The following CCDC33 variants were observed in gnomAD, a reference collection of about 807,000 sequenced individuals.
CCDC33 encodes coiled-coil domain containing 33, also known as coiled-coil domain-containing protein 33.
In CCDC33, 94 loss-of-function variants were observed where a neutral mutation model predicts 91.9. The ratio of observed to expected loss-of-function variants is 1.02; its 90% confidence interval spans 0.87 to 1.21. CCDC33 has a LOEUF of 1.21. CCDC33 is among the 50% of genes most tolerant of loss of function. The pLI is 0.00. For synonymous variants in CCDC33, 396 were observed against 374.5 expected, an observed-to-expected ratio of 1.06 and a Z score of -0.66; for missense variants, 940 against 935.5, an observed-to-expected ratio of 1.00 and a Z score of -0.06.
At chr15:74,231,249 T>C (rs2074962676) in intron 2 of CCDC33, among the ~76,000 whole-genome samples, 1 of 152,166 alleles carries the variant, frequency 6.6e-6, no homozygotes, top group Non-Finnish European at 1.5e-5. Context: ...GCTACATTAG[T>C]GATAGAGTCA....
At chr15:74,217,454 G>A (rs934222343) in exon 1 of CCDC33, 3 of 1,289,722 alleles carry the variant, frequency 2.3e-6, no homozygotes, top group African/African-American at 1.5e-5. Flanking sequence ...GGGCTGGGGT[G>A]CAGTTGCAAG....
upstream of CCDC33, among the ~76,000 whole-genome samples, chr15:74,214,697 C>T (rs114341858): frequency 5.8e-3 from 885 of 152,302 alleles, 8 homozygotes; most frequent in African/African-American, 0.02. Context: ...CTATTTACTA[C>T]CCTCCAACAC....
chr15:74,294,707 A>G (rs1324056114), intron 10 of CCDC33, among the ~76,000 whole-genome samples: 1 of 150,506 alleles, frequency 6.6e-6, no homozygotes. Flanking sequence ...ATATCATGGC[A>G]CTGCACTCCA....
intron 2 of CCDC33, among the ~76,000 whole-genome samples, chr15:74,220,407 C>G (rs2074557720): frequency 6.6e-6 from 1 of 152,226 alleles, no homozygotes; most frequent in Non-Finnish European, 1.5e-5. Flanking sequence ...AGGTGACATT[C>G]TGTTCCCTTA....
intron 11 of CCDC33, among the ~76,000 whole-genome samples, chr15:74,297,064 T>C (rs1182959948): frequency 6.6e-6 from 1 of 152,162 alleles, no homozygotes; most frequent in Non-Finnish European, 1.5e-5. Context: ...TCTGCACCTT[T>C]CTGGAACATG....
At chr15:74,208,056 A>C in intron 1 of CCDC33, 3 of 1,283,186 alleles carry the variant, frequency 2.3e-6, no homozygotes, top group East Asian at 3.8e-5. Context: ...TCATAACATA[A>C]AGGATTTAGA....
chr15:74,240,104 C>T (rs1257223458), intron 1 of CCDC33, among the ~76,000 whole-genome samples: 1 of 152,242 alleles, frequency 6.6e-6, no homozygotes, highest in African/African-American at 2.4e-5. Context: ...GCCCAGCCTG[C>T]CCAGCGGGCA....
chr15:74,249,021 T>C (rs544162621), intron 2 of CCDC33, among the ~76,000 whole-genome samples: 1 of 152,322 alleles, frequency 6.6e-6, no homozygotes, highest in South Asian at 2.1e-4. Context: ...ACCGGATATA[T>C]ACTAGGCCCC....
At chr15:74,269,735 C>A (rs1454172686) in intron 5 of CCDC33, among the ~76,000 whole-genome samples, 3 of 151,970 alleles carry the variant, frequency 2.0e-5, no homozygotes, top group South Asian at 4.2e-4. Context: ...TGGCTCACAG[C>A]ACCCTGCCCA....
At chr15:74,308,693 G>A (rs2059937992) in intron 11 of CCDC33, among the ~76,000 whole-genome samples, 1 of 152,200 alleles carries the variant, frequency 6.6e-6, no homozygotes, top group Non-Finnish European at 1.5e-5. Context: ...CATCTCTGGT[G>A]GCACTAAGCC....
rs573617645 is a variant in CCDC33, at chr15:74,331,322, G to A, written c.1771+26G>A. The A allele has an allele frequency of 9.9e-6, 16 of 1,609,458 alleles. No homozygotes were observed. In the East Asian group the frequency reaches 3.1e-4, roughly 31 times the overall value. The stretch of plus-strand genomic sequence containing the variant: ...GTGGGTCCACACCCTGATGTGATCA[G>A]CTCCCCAGCTTCTGCTCCACCCCTG... On this transcript the variant is annotated intron_variant, in intron 15 of 18. Coordinates refer to ENST00000398814, the MANE Select transcript of CCDC33 (RefSeq NM_025055.5).
At chr15:74,245,837 GGCTGCA>G (rs2075511404) in intron 2 of CCDC33, among the ~76,000 whole-genome samples, 1 of 152,218 alleles carries the variant, frequency 6.6e-6, no homozygotes, top group African/African-American at 2.4e-5. Flanking sequence ...GCCCGGGCCA[GGCTGCA>G]GCCTGCGTCC....
Position 74,331,025 on chromosome 15 carries a change from G to A in CCDC33, c.1590G>A (p.Gln530=). ...EKELLLLYQA[Q]QPQAALLKQY... The stretch of plus-strand genomic sequence containing the variant: ...AGCTGCTCCTTCTGTATCAGGCCCA[G>A]CAGCCACAGGCCGCTCTGCTGAAGC... Residue 530 remains glutamine, a synonymous_variant, in exon 14 of 19, where the codon CAG becomes CAA. Coordinates refer to ENST00000398814, the MANE Select transcript of CCDC33 (RefSeq NM_025055.5). 3 of 1,610,642 alleles carry A rather than the reference G, an allele frequency of 1.9e-6. No homozygotes were observed. Among genetic ancestry groups the A allele is most frequent in the Non-Finnish European group, 1.7e-6 (2 of 1,178,338 alleles).
chr15:74,215,543 A>AT (rs967254595), upstream of CCDC33, among the ~76,000 whole-genome samples: 1 of 151,664 alleles, frequency 6.6e-6, no homozygotes, highest in Non-Finnish European at 1.5e-5. Context: ...TTTGACTACA[A>AT]TTTTTTTTTA....
In CCDC33 at chr15:74,269,257, G is replaced by A. The variant is rs558660377; in HGVS notation, c.546+799G>A. ...TCAGGGTGGGAGCCACAGGACCCAA[G>A]CTCTGAGCTTCCACCTACCCAAACA... is the stretch of plus-strand genomic sequence containing the variant. On this transcript the variant is annotated intron_variant, in intron 5 of 18. Transcript: ENST00000398814. Among the ~76,000 whole-genome samples, 20 of 151,968 alleles carry A rather than the reference G, an allele frequency of 1.3e-4. No homozygotes were observed. The South Asian group carries it at 4.2e-3, about 32-fold the overall frequency.
intron 2 of CCDC33, among the ~76,000 whole-genome samples, chr15:74,211,907 A>C (rs938262443): frequency 1.3e-4 from 20 of 149,594 alleles, no homozygotes; most frequent in Non-Finnish European, 2.2e-4. Context: ...TTTTCTCTCT[A>C]TCACTCTCTC....
chr15:74,304,365 C>T (rs1326149288), intron 11 of CCDC33: 1 of 152,226 alleles, frequency 6.6e-6, no homozygotes, highest in African/African-American at 2.4e-5. Context: ...TCCCTCTGAC[C>T]CTTTCTCCGG....
intron 2 of CCDC33, among the ~76,000 whole-genome samples, chr15:74,246,504 A>G (rs1277225071): frequency 6.6e-6 from 1 of 152,244 alleles, no homozygotes; most frequent in Non-Finnish European, 1.5e-5. Context: ...TTAAAAAATG[A>G]GAAAAAGACC....
At chr15:74,274,956 C>G (rs1301318805) in intron 7 of CCDC33, among the ~76,000 whole-genome samples, 2 of 152,246 alleles carry the variant, frequency 1.3e-5, no homozygotes, top group Admixed American at 6.5e-5. Context: ...AGTGAGAGAA[C>G]AGGAGCAGGC....
Sources: allele counts gnomAD v4.1 joint callset (sites outside exome capture counted in the v4.1 genomes callset), GRCh38; gene constraint gnomAD v4.1.1; transcripts MANE v1.5; gene names NCBI Gene and HGNC (gene_info 2026-07-23, HGNC 2026-07-21).